Variants in RPH3AL observed in about 807,000 individuals in gnomAD.
RPH3AL encodes the protein rab effector Noc2.
In RPH3AL, 38 loss-of-function variants were observed where a neutral mutation model predicts 43.1. That is an observed-to-expected ratio of 0.88 (90% confidence interval 0.68 to 1.15). RPH3AL has a LOEUF of 1.15. RPH3AL is among the 50% of genes most tolerant of loss of function. The probability of loss-of-function intolerance (pLI) is 0.00; values close to 1 mark genes in which losing one functional copy is unlikely to be tolerated. For missense variants in RPH3AL, 462 were observed against 423.2 expected, an observed-to-expected ratio of 1.09 and a Z score of -0.81; for synonymous variants, 189 against 176.3, an observed-to-expected ratio of 1.07 and a Z score of -0.57.
intron 2 of RPH3AL, among the ~76,000 whole-genome samples, chr17:330,013 A>ATTC (rs1370963815): frequency 6.6e-6 from 1 of 152,262 alleles, no homozygotes; most frequent in African/African-American, 2.4e-5. Context: ...TCCTATGACT[A>ATTC]TTCTTATGGA....
chr17:326,477 A>G lies in RPH3AL; in HGVS notation c.77+990T>C, dbSNP rs1474004702. Among the ~76,000 whole-genome samples, 3 of 152,228 alleles carry G rather than the reference A, an allele frequency of 2.0e-5. No homozygotes were observed. In the East Asian group the frequency reaches 5.8e-4, roughly 29 times the overall value. The stretch of plus-strand genomic sequence containing the variant: ...CAGCCCCTCTGAGGGACAGCGAGGG[A>G]CTGGAAGGCAGGCAAGGCATCTGAG... On this transcript the variant is annotated intron_variant, in intron 3 of 9. Coordinates refer to ENST00000331302, the MANE Select transcript of RPH3AL (RefSeq NM_006987.4).
intron 5 of RPH3AL, among the ~76,000 whole-genome samples, chr17:314,352 C>A (rs1373707963): frequency 6.6e-6 from 1 of 151,164 alleles, no homozygotes; most frequent in Non-Finnish European, 1.5e-5. Context: ...TCCCGTTCTC[C>A]CAGGCAGGAG....
intron 7 of RPH3AL, among the ~76,000 whole-genome samples, chr17:244,183 C>G (rs1190296554): frequency 5.3e-5 from 8 of 150,892 alleles, no homozygotes; most frequent in African/African-American, 1.7e-4. Flanking sequence ...TTCCCTTCCT[C>G]TATTGATTAC....
rs1170052582 is a variant in RPH3AL, at chr17:215,683, G to C, written c.847C>G (p.Pro283Ala). Residue 283 changes from proline (P) to alanine (A), a missense_variant, in exon 9 of 10, where the codon CCC becomes GCC. By Grantham distance (27) the Pro-to-Ala change is conservative. Transcript: ENST00000331302. This position sits in a 1 kb window ranked among gnomAD's most constrained non-coding sequence, Gnocchi z 4.1. ...GCCCTTCGGGTCAGCCCGGGGCGGGGTCCCCCTGGCGGGTCAGCAGAGCCT... is the reference window on the plus strand; with the variant it reads ...GCCCTTCGGGTCAGCCCGGGGCGGGCTCCCCCTGGCGGGTCAGCAGAGCCT... ...GTGSADPPGGPRPGLTRRAPV... is the reference protein window; with the variant it reads ...GTGSADPPGGARPGLTRRAPV... 1.6e-6 allele frequency: 2 copies of C among 1,275,588 alleles called. No homozygotes were observed. The highest frequency in any genetic ancestry group is 2.0e-6 in the Non-Finnish European group (2 of 1,005,658). 79.0% of individuals were successfully genotyped at this position (1,275,588 alleles called of 1,614,324 possible).
chr17:298,241 G>A (rs374744006), intron 5 of RPH3AL, among the ~76,000 whole-genome samples: 1 of 152,208 alleles, frequency 6.6e-6, no homozygotes, highest in South Asian at 2.1e-4. Flanking sequence ...GCTCAGTGTG[G>A]GGTGCTGGGG....
At chr17:309,847 G>C (rs1286430000) in intron 5 of RPH3AL, among the ~76,000 whole-genome samples, 1 of 152,160 alleles carries the variant, frequency 6.6e-6, no homozygotes, top group Non-Finnish European at 1.5e-5. Context: ...GCCAGGTTAG[G>C]GGAAAGGTCA....
intron 1 of RPH3AL, among the ~76,000 whole-genome samples, chr17:342,109 A>G (rs2045135148): frequency 6.6e-6 from 1 of 152,220 alleles, no homozygotes; most frequent in African/African-American, 2.4e-5. Context: ...ACATGAAAAA[A>G]GACTCAATAT....
Position 308,289 on chromosome 17 carries a change from G to A in RPH3AL, c.351+11131C>T, listed in dbSNP as rs370114617. ...GACAGGGCCGTGGAGGACTTTCACC[G>A]CACACCCATTTGGGAGGGAGGCTCT... On this transcript the variant is annotated intron_variant, in intron 5 of 9. Coordinates refer to ENST00000331302, the MANE Select transcript of RPH3AL (RefSeq NM_006987.4). Among the ~76,000 whole-genome samples, 35 of 152,310 alleles carry A rather than the reference G, an allele frequency of 2.3e-4. No individual in the cohort carries two copies. In the East Asian group the frequency reaches 5.0e-3, roughly 22 times the overall value.
At chr17:240,645 A>G in intron 7 of RPH3AL, among the ~76,000 whole-genome samples, 1 of 152,244 alleles carries the variant, frequency 6.6e-6, no homozygotes, top group East Asian at 1.9e-4. Context: ...CTATGACTGA[A>G]TAACGTTCCA....
At position 319,673 on chromosome 17, in the gene RPH3AL, G is replaced by A. The variant is rs75442542; in HGVS notation, c.222-124C>T. 7.5e-3 allele frequency: 8,819 copies of A among 1,173,386 alleles called. 48 individuals are homozygous for A. Among genetic ancestry groups the A allele is most frequent in the Non-Finnish European group, 8.8e-3 (7,410 of 842,300 alleles). The allele number at this position is 1,173,386 out of a possible 1,614,324, so 72.7% of individuals were successfully genotyped here. A position where few individuals can be genotyped will look rare whatever the true frequency, so the allele number is the denominator to read the frequency against. On this transcript the variant is annotated intron_variant, in intron 4 of 9. Coordinates refer to ENST00000331302, the MANE Select transcript of RPH3AL (RefSeq NM_006987.4). Reference sequence around the variant, plus strand: ...CACCTGGGATATTGTTCCTTGCCCCGCCCTTCCCCTGGATAACAGCGAATC... The same window carrying A: ...CACCTGGGATATTGTTCCTTGCCCCACCCTTCCCCTGGATAACAGCGAATC...
rs2044530917 is a variant in RPH3AL at position 323,318 on chromosome 17, G to A, written c.78-1903C>T. Among the ~76,000 whole-genome samples the A allele has an allele frequency of 6.6e-6, 1 of 152,098 alleles. No individual in the cohort carries two copies. Among genetic ancestry groups the A allele is most frequent in the Non-Finnish European group, 1.5e-5 (1 of 68,022 alleles). Reference sequence around the variant, plus strand: ...ACGCTTTCCAAGCAGTGCTCACGGTGCTGGGGAAGGAAAATACCGGGGCAG... The same window carrying A: ...ACGCTTTCCAAGCAGTGCTCACGGTACTGGGGAAGGAAAATACCGGGGCAG... On this transcript the variant is annotated intron_variant, in intron 3 of 9. Transcript: ENST00000331302. The surrounding 1 kb of genome is among the most constrained non-coding windows in gnomAD (Gnocchi z 4.4).
intron 5 of RPH3AL, among the ~76,000 whole-genome samples, chr17:284,585 C>T (rs1006232787): frequency 1.3e-5 from 2 of 152,006 alleles, no homozygotes; most frequent in African/African-American, 2.4e-5. Context: ...CCTCCATGCT[C>T]TCCCAGTGGG....
At position 316,180 on chromosome 17, in the gene RPH3AL, C is replaced by G. The variant is rs866600649; in HGVS notation, c.351+3240G>C. Among the ~76,000 whole-genome samples the G allele has an allele frequency of 6.5e-3, 975 of 149,354 alleles. 45 individuals are homozygous for G. Among genetic ancestry groups the G allele is most frequent in the African/African-American group, 0.023 (920 of 39,688 alleles). On this transcript the variant is annotated intron_variant, in intron 5 of 9. Coordinates refer to ENST00000331302, the MANE Select transcript of RPH3AL (RefSeq NM_006987.4). ...TTGACCTGTAGTCCCTGTGCTCCAC[C>G]TCCACTGACCTGTAGTTCCTGTGCC...
rs968431360 is a variant in RPH3AL at position 331,741 on chromosome 17, A to G, written c.-37+2018T>C. 3.1e-5 allele frequency: 40 copies of G among 1,288,778 alleles called. No homozygotes were observed. The African/African-American group carries it at 6.1e-4, about 20-fold the overall frequency. 79.8% of individuals were successfully genotyped at this position (1,288,778 alleles called of 1,614,324 possible). ...CAGTGGGTAAACTATGCTCGCCACCACTCAGCACTCACCTCTTGGGCTCAG... is the reference window on the plus strand; with the variant it reads ...CAGTGGGTAAACTATGCTCGCCACCGCTCAGCACTCACCTCTTGGGCTCAG... On this transcript the variant is annotated intron_variant, in intron 2 of 9. Transcript: ENST00000331302.
At chr17:243,699 C>T (rs202053960) in intron 7 of RPH3AL, among the ~76,000 whole-genome samples, 1,093 of 78,938 alleles carry the variant, frequency 0.014, no homozygotes, top group East Asian at 0.049. Flanking sequence ...CCTCTATTGA[C>T]TACCTTCCTC....
Position 213,307 on chromosome 17 carries a change from A to G in RPH3AL, c.*545T>C, listed in dbSNP as rs11150885. On this transcript the variant is annotated 3_prime_UTR_variant, in exon 10 of 10. Transcript: ENST00000331302. ...AACTAAACAGACCCAGGTTTCACCC[A>G]CGGTCCTGGGCCAGCCCATGGGAGG... is the stretch of plus-strand genomic sequence containing the variant. 0.85 allele frequency: 135,527 copies of G among 158,722 alleles called. 57,938 individuals carry two copies. The highest frequency in any genetic ancestry group is 0.88 in the African/African-American group (36,673 of 41,494). The allele number at this position is 158,722 out of a possible 1,614,324, so 9.8% of individuals were successfully genotyped here.
In RPH3AL at chr17:290,153, C is replaced by A. The variant is rs2043014591; in HGVS notation, c.352-8299G>T. ...GGAACATGCCGACCTGCCGGGAAGA[C>A]AAGCTGCACGGAGGCGTGAAGGCAC... On this transcript the variant is annotated intron_variant, in intron 5 of 9. Coordinates refer to ENST00000331302, the MANE Select transcript of RPH3AL (RefSeq NM_006987.4). This position sits in a 1 kb window ranked among gnomAD's most constrained non-coding sequence, Gnocchi z 4.2. Among the ~76,000 whole-genome samples the A allele has an allele frequency of 6.6e-6, 1 of 152,266 alleles. No homozygotes were observed. The highest frequency in any genetic ancestry group is 2.1e-4 in the South Asian group (1 of 4,832).
intron 7 of RPH3AL, among the ~76,000 whole-genome samples, chr17:222,003 C>T (rs1405844722): frequency 1.3e-5 from 2 of 148,338 alleles, no homozygotes; most frequent in South Asian, 2.1e-4. Flanking sequence ...GAGGCCTCCA[C>T]TCACTGAGAC....
intron 7 of RPH3AL, among the ~76,000 whole-genome samples, chr17:239,635 T>A (rs2041481360): frequency 6.6e-6 from 1 of 151,798 alleles, no homozygotes; most frequent in Non-Finnish European, 1.5e-5. Flanking sequence ...TTTTGTTTTG[T>A]TTTTTTGAGA....
Sources: allele counts gnomAD v4.1 joint callset (sites outside exome capture counted in the v4.1 genomes callset), GRCh38; gene constraint gnomAD v4.1.1; non-coding constraint Gnocchi (gnomAD v3.1); transcripts MANE v1.5; gene names NCBI Gene and HGNC (gene_info 2026-07-23, HGNC 2026-07-21).